FTCDNL1: variants seen among roughly 807,000 people sequenced by gnomAD.
The protein encoded by FTCDNL1 is formiminotransferase N-terminal subdomain-containing protein.
FTCDNL1 carries 11 observed loss-of-function variants against 5.9 expected under a neutral mutation model. The ratio of observed to expected loss-of-function variants is 1.87; its 90% CI spans 1.18 to 3.10. The LOEUF is 3.10. FTCDNL1 is among the 30% of genes most tolerant of loss of function. FTCDNL1 has a pLI of 0.00. For missense variants in FTCDNL1, 115 were observed against 65.5 expected (o/e 1.76, Z -2.61); for synonymous variants, 58 against 24.8 (o/e 2.34, Z -3.99).
chr2:199,665,310 T>TA, the FTCDNL1 span, among the ~76,000 whole-genome samples: 1 of 152,024 alleles, frequency 6.6e-6, no homozygotes, highest in Admixed American at 6.6e-5. Flanking sequence ...CACACAGGAA[T>TA]AAAAGACTGC....
chr2:199,820,879 G>A (rs1394887896), intron 3 of FTCDNL1, among the ~76,000 whole-genome samples: 4 of 152,146 alleles, frequency 2.6e-5, no homozygotes, highest in East Asian at 3.8e-4. Context: ...AGGTGCTCAG[G>A]GAATTCTGGG....
At chr2:199,742,202 G>C in the FTCDNL1 span, among the ~76,000 whole-genome samples, 7 of 151,866 alleles carry the variant, frequency 4.6e-5, no homozygotes, top group East Asian at 1.2e-3. Context: ...TTCAAGTCAA[G>C]TCTTCCTTCT....
the FTCDNL1 span, among the ~76,000 whole-genome samples, chr2:199,738,114 A>C: frequency 6.6e-6 from 1 of 152,312 alleles, no homozygotes; most frequent in East Asian, 1.9e-4. Context: ...TCTGCTCATT[A>C]TTCAAAAACA....
chr2:199,775,692 C>T (rs941302080), intron 3 of FTCDNL1, among the ~76,000 whole-genome samples: 3 of 152,104 alleles, frequency 2.0e-5, no homozygotes, highest in African/African-American at 4.8e-5. Context: ...CTTTCCACAA[C>T]CTAGTTTAGA....
intron 3 of FTCDNL1, among the ~76,000 whole-genome samples, chr2:199,828,763 G>A (rs994263620): frequency 4.6e-5 from 7 of 152,156 alleles, no homozygotes; most frequent in Non-Finnish European, 8.8e-5. Flanking sequence ...ACTCAATAAA[G>A]GTTTATCAAA....
At chr2:199,775,582 G>C (rs1316918936) in intron 3 of FTCDNL1, among the ~76,000 whole-genome samples, 1 of 152,216 alleles carries the variant, frequency 6.6e-6, no homozygotes, top group African/African-American at 2.4e-5. Flanking sequence ...AGTGACTCCA[G>C]TCTTCCTTTT....
the FTCDNL1 span, among the ~76,000 whole-genome samples, chr2:199,675,504 G>A: frequency 6.6e-6 from 1 of 152,070 alleles, no homozygotes; most frequent in African/African-American, 2.4e-5. Flanking sequence ...ATTCAGTAGT[G>A]AACAACAGAA....
At chr2:199,693,348 AG>A in the FTCDNL1 span, among the ~76,000 whole-genome samples, 1 of 152,358 alleles carries the variant, frequency 6.6e-6, no homozygotes, top group African/African-American at 2.4e-5. Context: ...AAAACAAAAA[AG>A]CAAAATCATT....
chr2:199,817,755 A>AG (rs1046632327), intron 4 of FTCDNL1, among the ~76,000 whole-genome samples: 8 of 152,166 alleles, frequency 5.3e-5, no homozygotes, highest in Non-Finnish European at 1.0e-4. Flanking sequence ...AAAAAAAAAA[A>AG]AAAGTAAGAA....
intron 4 of FTCDNL1, among the ~76,000 whole-genome samples, chr2:199,817,038 T>C (rs1450419786): frequency 6.6e-6 from 1 of 152,228 alleles, no homozygotes; most frequent in Non-Finnish European, 1.5e-5. Flanking sequence ...TACATTAGAT[T>C]GCATTTTCTA....
the FTCDNL1 span, among the ~76,000 whole-genome samples, chr2:199,683,971 G>A: frequency 6.6e-6 from 1 of 152,218 alleles, no homozygotes; most frequent in Admixed American, 6.5e-5. Context: ...AGAGGGCAAG[G>A]TCTGGGCCCA....
downstream of FTCDNL1, among the ~76,000 whole-genome samples, chr2:199,804,273 T>C (rs1700611207): frequency 6.6e-6 from 1 of 152,182 alleles, no homozygotes; most frequent in Non-Finnish European, 1.5e-5. Flanking sequence ...CGGGGCTTCC[T>C]GAGAAAAAGT....
At chr2:199,836,309 C>T (rs1346070432) in intron 3 of FTCDNL1, among the ~76,000 whole-genome samples, 1 of 152,062 alleles carries the variant, frequency 6.6e-6, no homozygotes, top group Non-Finnish European at 1.5e-5. Context: ...AGACTACAGG[C>T]ACGCACTACC....
chr2:199,701,215 G>A, the FTCDNL1 span, among the ~76,000 whole-genome samples: 2 of 148,796 alleles, frequency 1.3e-5, no homozygotes, highest in African/African-American at 2.5e-5. Flanking sequence ...AATGCTCAAC[G>A]TCGCTAATCA....
the FTCDNL1 span, among the ~76,000 whole-genome samples, chr2:199,671,946 C>G: frequency 3.3e-5 from 5 of 152,102 alleles, no homozygotes; most frequent in Non-Finnish European, 7.4e-5. Context: ...TATAATTGTT[C>G]CTGCTTCAGA....
intron 3 of FTCDNL1, among the ~76,000 whole-genome samples, chr2:199,843,439 C>A (rs185368044): frequency 6.6e-6 from 1 of 152,172 alleles, no homozygotes; most frequent in African/African-American, 2.4e-5. Context: ...CCCCACCCCC[C>A]CATGCTGAAT....
chr2:199,759,675 CAT>C (rs1698193106), downstream of FTCDNL1, among the ~76,000 whole-genome samples: 1 of 152,204 alleles, frequency 6.6e-6, no homozygotes, highest in East Asian at 1.9e-4. Context: ...AATACTTCCA[CAT>C]GTCATCATAG....
intron 3 of FTCDNL1, among the ~76,000 whole-genome samples, chr2:199,845,597 T>C (rs935494359): frequency 3.9e-5 from 6 of 152,030 alleles, no homozygotes; most frequent in Admixed American, 2.6e-4. Context: ...ATCTGTCCTA[T>C]GCTTGCTGAA....
the FTCDNL1 span, among the ~76,000 whole-genome samples, chr2:199,716,629 C>A: frequency 3.3e-5 from 5 of 152,084 alleles, no homozygotes; most frequent in African/African-American, 1.2e-4. Flanking sequence ...AAAAACACTG[C>A]AGATTAATGG....
Sources: gnomAD v4.1 joint callset for allele counts (sites outside exome capture counted in the v4.1 genomes callset) on GRCh38, gnomAD v4.1.1 for gene constraint, MANE v1.5 for transcripts, NCBI Gene and HGNC (gene_info 2026-07-23, HGNC 2026-07-21) for gene names.